Variants in HPSE2 observed in about 807,000 individuals in gnomAD.
The protein encoded by HPSE2 is heparanase 2 (inactive), also known as inactive heparanase-2.
A neutral mutation model predicts 60.5 loss-of-function variants in HPSE2; 38 were observed. The observed-to-expected ratio is 0.63, with a 90% CI of 0.48 to 0.82. The LOEUF (loss-of-function observed/expected upper bound fraction) is 0.82, where lower values mean the gene tolerates loss of function less well. HPSE2 is among the 40% of genes least tolerant of loss of function. The pLI is 0.00. For missense variants in HPSE2, 713 were observed against 740.4 expected, an observed-to-expected ratio of 0.96 and a Z score of 0.43; for synonymous variants, 295 against 293.2, an observed-to-expected ratio of 1.01 and a Z score of -0.06.
chr10:98,914,735 A>T (rs117988141), intron 3 of HPSE2, among the ~76,000 whole-genome samples: 13 of 151,554 alleles, frequency 8.6e-5, no homozygotes, highest in East Asian at 7.8e-4. Context: ...CCCAGGTCCT[A>T]TGAAAAACCA....
Position 99,086,346 on chromosome 10 carries a change from C to CTTTTTT in HPSE2, c.610+57886_610+57891dup, listed in dbSNP as rs66562418. 2.6e-3 allele frequency among the ~76,000 whole-genome samples: 219 copies of CTTTTTT among 83,004 alleles called. 3 individuals carry two copies. The highest frequency in any genetic ancestry group is 3.4e-3 in the East Asian group (8 of 2,322). 54.5% of individuals were successfully genotyped at this position (83,004 alleles called of 152,430 possible). A position where few individuals can be genotyped will look rare whatever the true frequency, so the allele number is the denominator to read the frequency against. On this transcript the variant is annotated intron_variant, in intron 3 of 11. Transcript: ENST00000370552. Reference sequence around the variant, plus strand: ...AGGTGGTAATACGGAAAAGTACTTTCTTTTTTTTTTTTTTTTTTTTTTTTG... The same window carrying CTTTTTT: ...AGGTGGTAATACGGAAAAGTACTTTCTTTTTTTTTTTTTTTTTTTTTTTTTTTTTTG...
chr10:98,825,423 A>C (rs1171869403), intron 3 of HPSE2, among the ~76,000 whole-genome samples: 4 of 152,206 alleles, frequency 2.6e-5, no homozygotes, highest in Non-Finnish European at 4.4e-5. Flanking sequence ...TCCTCGAGCA[A>C]GGCTAGCTCT....
intron 4 of HPSE2, among the ~76,000 whole-genome samples, chr10:98,729,344 T>C (rs1207051862): frequency 2.0e-5 from 3 of 152,166 alleles, no homozygotes; most frequent in African/African-American, 7.2e-5. Context: ...GCATGGTGGC[T>C]CACACCTGTA....
At chr10:98,985,460 C>G (rs1219405615) in intron 3 of HPSE2, among the ~76,000 whole-genome samples, 1 of 152,156 alleles carries the variant, frequency 6.6e-6, no homozygotes, top group Non-Finnish European at 1.5e-5. Flanking sequence ...TTGTCACCAC[C>G]AGGCCTGCCC....
intron 3 of HPSE2, chr10:99,014,025 G>T (rs1957077270): frequency 7.7e-6 from 2 of 258,594 alleles, no homozygotes; most frequent in South Asian, 3.6e-5. Flanking sequence ...GGGGGTGGCA[G>T]AGAGAGACAC....
intron 2 of HPSE2, among the ~76,000 whole-genome samples, chr10:99,159,459 G>A (rs1846731698): frequency 6.6e-6 from 1 of 152,170 alleles, no homozygotes. Flanking sequence ...ATTCATATAT[G>A]TAATAAAATT....
intron 3 of HPSE2, among the ~76,000 whole-genome samples, chr10:98,971,919 T>C (rs1955964462): frequency 6.6e-6 from 1 of 152,144 alleles, no homozygotes; most frequent in African/African-American, 2.4e-5. Context: ...CTATACCCCC[T>C]ACTCTTACTC....
intron 2 of HPSE2, among the ~76,000 whole-genome samples, chr10:99,211,890 A>C (rs1199810336): frequency 6.6e-6 from 1 of 152,204 alleles, no homozygotes; most frequent in Non-Finnish European, 1.5e-5. Context: ...CAGCCAAGGA[A>C]ACAATCAACA....
the HPSE2 span, among the ~76,000 whole-genome samples, chr10:99,295,821 C>T: frequency 1.3e-5 from 2 of 152,122 alleles, no homozygotes; most frequent in African/African-American, 2.4e-5. Flanking sequence ...TATAAACAAA[C>T]CCTACAATCA....
intron 11 of HPSE2, among the ~76,000 whole-genome samples, chr10:98,469,603 G>A (rs1319260580): frequency 6.6e-6 from 1 of 152,208 alleles, no homozygotes; most frequent in Non-Finnish European, 1.5e-5. Context: ...ACAAAGAGCA[G>A]GAAGGGAGGA....
intron 3 of HPSE2, among the ~76,000 whole-genome samples, chr10:98,772,927 G>T (rs1950270338): frequency 6.6e-6 from 1 of 152,158 alleles, no homozygotes. Flanking sequence ...GAATTGCAAG[G>T]ACAGTTCTTC....
the HPSE2 span, among the ~76,000 whole-genome samples, chr10:99,257,811 G>A: frequency 1.3e-5 from 2 of 152,036 alleles, no homozygotes; most frequent in Non-Finnish European, 2.9e-5. Context: ...GGCTTGTGGG[G>A]CATCACGGAA....
At chr10:99,050,649 G>GGT (rs887186677) in intron 3 of HPSE2, among the ~76,000 whole-genome samples, 30 of 152,070 alleles carry the variant, frequency 2.0e-4, no homozygotes, top group African/African-American at 7.0e-4. Flanking sequence ...AAGAAAATGT[G>GGT]GTATATATAC....
intron 9 of HPSE2, among the ~76,000 whole-genome samples, chr10:98,548,925 C>G (rs1460387355): frequency 6.6e-6 from 1 of 152,154 alleles, no homozygotes; most frequent in Non-Finnish European, 1.5e-5. Context: ...ATTTCTCACA[C>G]AACAGATTCC....
intron 3 of HPSE2, among the ~76,000 whole-genome samples, chr10:98,935,522 T>G (rs1472335438): frequency 6.9e-6 from 1 of 144,428 alleles, no homozygotes; most frequent in Non-Finnish European, 1.5e-5. Context: ...ATTTGTTTCT[T>G]TTTCTTCTAA....
At chr10:98,834,772 A>G (rs1164765773) in intron 3 of HPSE2, among the ~76,000 whole-genome samples, 1 of 152,158 alleles carries the variant, frequency 6.6e-6, no homozygotes, top group Non-Finnish European at 1.5e-5. Context: ...AATGCAACAG[A>G]TTGAATGTAA....
intron 1 of HPSE2, among the ~76,000 whole-genome samples, chr10:99,234,858 C>CG (rs966188327): frequency 1.5e-4 from 22 of 150,586 alleles, no homozygotes; most frequent in African/African-American, 5.4e-4. Flanking sequence ...GAGGAACTGG[C>CG]GGGGGGAGGG....
intron 3 of HPSE2, among the ~76,000 whole-genome samples, chr10:99,084,502 T>C (rs527240027): frequency 1.3e-5 from 2 of 152,154 alleles, no homozygotes; most frequent in Admixed American, 6.5e-5. Flanking sequence ...ATGGGTTTTC[T>C]TTTCCTTATA....
chr10:98,954,176 C>T (rs1008215834), intron 3 of HPSE2, among the ~76,000 whole-genome samples: 11 of 152,004 alleles, frequency 7.2e-5, no homozygotes, highest in African/African-American at 7.2e-5. Context: ...GGTGTGGTGG[C>T]GTATGCCTGT....
Sources: allele counts gnomAD v4.1 joint callset (sites outside exome capture counted in the v4.1 genomes callset), GRCh38; gene constraint gnomAD v4.1.1; transcripts MANE v1.5; gene names NCBI Gene and HGNC (gene_info 2026-07-23, HGNC 2026-07-21).